The following CDC14B variants were observed in gnomAD, a reference collection of about 807,000 sequenced individuals.
CDC14B encodes the protein dual specificity protein phosphatase CDC14B.
CDC14B carries 22 observed loss-of-function variants against 64.2 expected under a neutral mutation model. That is an observed-to-expected ratio of 0.34 (90% CI 0.24 to 0.49). The LOEUF (loss-of-function observed/expected upper bound fraction) is 0.49, where lower values mean the gene tolerates loss of function less well. CDC14B is among the 20% of genes least tolerant of loss of function. The pLI is 0.99. For missense variants in CDC14B, 498 were observed against 629.9 expected, an observed-to-expected ratio of 0.79 and a Z score of 2.24; for synonymous variants, 191 against 215.8, an observed-to-expected ratio of 0.89 and a Z score of 1.01.
chr9:96,534,033 G>A lies in CDC14B; in HGVS notation c.840C>T (p.His280=), dbSNP rs1838911803. 6.2e-7 allele frequency: 1 copy of A among 1,613,100 alleles called. No homozygotes were observed. The highest frequency in any genetic ancestry group is 8.5e-7 in the Non-Finnish European group (1 of 1,179,462). Residue 280 remains histidine (H), a synonymous_variant, in exon 9 of 14, where the codon CAC becomes CAT. Transcript: ENST00000375241. ...AKRFTDAGFD[H]HDLFFADGST... is the part of the protein sequence containing the mutation. ...TGCCATCCGCAAAGAAAAGATCATG[G>A]TGATCGAAGCCAGCATCCGTAAAGC...
intron 5 of CDC14B, among the ~76,000 whole-genome samples, chr9:96,549,437 C>T (rs759175594): frequency 6.6e-6 from 1 of 152,060 alleles, no homozygotes; most frequent in Non-Finnish European, 1.5e-5. Flanking sequence ...GAGGCTGAGG[C>T]GGGCGGATCA....
At chr9:96,571,980 C>T (rs1844506650) in intron 1 of CDC14B, among the ~76,000 whole-genome samples, 1 of 152,100 alleles carries the variant, frequency 6.6e-6, no homozygotes. Context: ...CTTGTCCATC[C>T]TTCAGTCATG....
At chr9:96,592,248 T>C (rs1444633130) in intron 1 of CDC14B, among the ~76,000 whole-genome samples, 3 of 152,118 alleles carry the variant, frequency 2.0e-5, no homozygotes, top group Non-Finnish European at 1.5e-5. Flanking sequence ...CAGCTAATTG[T>C]TGTATTTTTT....
chr9:96,496,393 TACC>T (rs60964390), downstream of CDC14B: 70 of 480,040 alleles, frequency 1.5e-4, no homozygotes, highest in East Asian at 3.0e-4. Flanking sequence ...GCGCTGTACT[TACC>T]ACCACCACCA....
intron 1 of CDC14B, among the ~76,000 whole-genome samples, chr9:96,607,662 ATCCAC>A (rs1847058029): frequency 1.3e-5 from 2 of 151,974 alleles, no homozygotes; most frequent in South Asian, 4.2e-4. Flanking sequence ...TGACCTCGTG[ATCCAC>A]CCGCCTTGGC....
intron 7 of CDC14B, among the ~76,000 whole-genome samples, chr9:96,538,322 G>A (rs558738192): frequency 4.5e-4 from 69 of 152,278 alleles, no homozygotes; most frequent in African/African-American, 1.6e-3. Context: ...ATTGGGACAG[G>A]AGAAATAGGG....
chr9:96,525,657 C>A (rs562193492), intron 9 of CDC14B, among the ~76,000 whole-genome samples: 1 of 152,296 alleles, frequency 6.6e-6, no homozygotes, highest in Admixed American at 6.5e-5. Context: ...TTTGGACTTG[C>A]TTAGAAGCTC....
intron 3 of CDC14B, among the ~76,000 whole-genome samples, chr9:96,564,478 T>C (rs1315694528): frequency 6.6e-6 from 1 of 152,214 alleles, no homozygotes; most frequent in Non-Finnish European, 1.5e-5. Flanking sequence ...TTCAGTTCTA[T>C]TAGGTCAGAC....
intron 1 of CDC14B, among the ~76,000 whole-genome samples, chr9:96,578,965 G>A (rs975232222): frequency 6.6e-6 from 1 of 151,994 alleles, no homozygotes; most frequent in African/African-American, 2.4e-5. Flanking sequence ...TTACAGGCAT[G>A]TGCCACCAAG....
At chr9:96,551,896 A>G in intron 4 of CDC14B, 24 bp from the exon 5 acceptor site, 1 of 1,589,332 alleles carries the variant, frequency 6.3e-7, no homozygotes, top group Non-Finnish European at 8.5e-7. Context: ...AAGAAGAAAA[A>G]GGCAATTTAT....
chr9:96,571,235 G>A (rs12339632), intron 1 of CDC14B, among the ~76,000 whole-genome samples: 5,164 of 151,730 alleles, frequency 0.034, 273 homozygotes, highest in African/African-American at 0.12. Flanking sequence ...GAGTGCAGTG[G>A]CGCAATCTCA....
chr9:96,525,600 GGAT>G (rs561609012), intron 9 of CDC14B, among the ~76,000 whole-genome samples: 6 of 152,344 alleles, frequency 3.9e-5, no homozygotes, highest in African/African-American at 1.4e-4. Flanking sequence ...GAGCCAAAGA[GGAT>G]GATTCTCTAG....
chr9:96,562,557 C>T, intron 4 of CDC14B, 136 bp downstream of exon 4: 1 of 681,112 alleles, frequency 1.5e-6, no homozygotes, highest in Non-Finnish European at 2.6e-6. Context: ...TTGAATTGGT[C>T]AATTTTTTAA....
chr9:96,497,031 G>A (rs1833277642), downstream of CDC14B, among the ~76,000 whole-genome samples: 3 of 152,186 alleles, frequency 2.0e-5, no homozygotes, highest in South Asian at 6.2e-4. Context: ...CTGAAAAGAC[G>A]TCGTTTAACA....
chr9:96,525,065 C>T (rs73654893), intron 9 of CDC14B, among the ~76,000 whole-genome samples: 7,936 of 152,006 alleles, frequency 0.052, 697 homozygotes, highest in African/African-American at 0.18. Context: ...AGGAAAAAGA[C>T]GAATTAAAGA....
At chr9:96,593,874 T>C (rs1175967464) in intron 1 of CDC14B, among the ~76,000 whole-genome samples, 1 of 152,176 alleles carries the variant, frequency 6.6e-6, no homozygotes, top group Non-Finnish European at 1.5e-5. Context: ...CCAGATGTCA[T>C]GTAAATAAAT....
rs1483105331 is a variant in CDC14B, at chr9:96,554,285, A to T, written c.421-2413T>A. On this transcript the variant is annotated intron_variant, in intron 4 of 13. Coordinates refer to ENST00000375241, the MANE Select transcript of CDC14B (RefSeq NM_033331.4). ...CTGATTCATCTGTGTACTAAAATGA[A>T]ATCTAGAGACCCATTTAGGAATTTC... 2.0e-5 allele frequency among the ~76,000 whole-genome samples: 3 copies of T among 152,190 alleles called. No homozygotes were observed. The East Asian group carries it at 5.8e-4, about 29-fold the overall frequency.
At chr9:96,604,538 G>A (rs960823834) in intron 1 of CDC14B, among the ~76,000 whole-genome samples, 6 of 150,948 alleles carry the variant, frequency 4.0e-5, no homozygotes, top group Non-Finnish European at 1.5e-5. Flanking sequence ...GCGCCACCAC[G>A]CCCGGCTAAT....
chr9:96,526,292 C>T (rs572290532), intron 9 of CDC14B, among the ~76,000 whole-genome samples: 4 of 152,224 alleles, frequency 2.6e-5, no homozygotes, highest in South Asian at 2.1e-4. Context: ...GGCGTGAACC[C>T]GGGAGGCGGA....
Sources: allele counts gnomAD v4.1 joint callset (sites outside exome capture counted in the v4.1 genomes callset), GRCh38; gene constraint gnomAD v4.1.1; transcripts MANE v1.5; gene names NCBI Gene and HGNC (gene_info 2026-07-23, HGNC 2026-07-21).